PCDH11X: variants seen among roughly 807,000 people sequenced by gnomAD.
The protein encoded by PCDH11X is protocadherin 11 X-linked, also known as protocadherin-11 X-linked.
A neutral mutation model predicts 53.3 loss-of-function variants in PCDH11X; 18 were observed. That is an observed-to-expected ratio of 0.34 (90% CI 0.23 to 0.50). The LOEUF is 0.50. Among genes scored for constraint, PCDH11X ranks in the 20% least tolerant of loss-of-function variants. The pLI is 0.98. For missense variants in PCDH11X, 570 were observed against 1,032.4 expected, an observed-to-expected ratio of 0.55 and a Z score of 6.14; for synonymous variants, 279 against 393.3, an observed-to-expected ratio of 0.71 and a Z score of 3.44.
rs751819574 is a variant in PCDH11X, at chrX:92,181,087, T to C, written c.3034-20288T>C. ...AAAACTTTGGAACTTTCTAGAGACT[T>C]GTTGAATGGCGTTGACAAAAATGCT... is the stretch of plus-strand genomic sequence containing the variant. On this transcript the variant is annotated intron_variant, in intron 6 of 10. Coordinates refer to ENST00000682573, the MANE Select transcript of PCDH11X (RefSeq NM_032968.5). Among the ~76,000 whole-genome samples, 133 of 111,202 alleles carry C rather than the reference T, an allele frequency of 1.2e-3. 1 individual carries two copies. The Middle Eastern group carries it at 0.019, about 16-fold the overall frequency.
At chrX:91,828,353 C>A (rs1369168178) in intron 4 of PCDH11X, among the ~76,000 whole-genome samples, 2 of 110,610 alleles carry the variant, frequency 1.8e-5, no homozygotes, top group African/African-American at 6.6e-5. Context: ...ATCTCCTGAC[C>A]TCGTGATCCG....
intron 9 of PCDH11X, among the ~76,000 whole-genome samples, chrX:92,439,999 A>C (rs1200593434): frequency 1.1e-5 from 1 of 88,179 alleles, no homozygotes; most frequent in East Asian, 4.0e-4. Context: ...TTTTTAAAAA[A>C]ACAATTTTAT....
intron 6 of PCDH11X, among the ~76,000 whole-genome samples, chrX:91,924,919 G>A (rs1941890088): frequency 9.1e-6 from 1 of 110,183 alleles, no homozygotes. Context: ...AAATATATTA[G>A]TATCCAATTT....
At chrX:92,254,024 G>T (rs1048497813) in intron 7 of PCDH11X, among the ~76,000 whole-genome samples, 46 of 111,949 alleles carry the variant, frequency 4.1e-4, no homozygotes, top group African/African-American at 1.2e-3. Flanking sequence ...AGATCTTAGA[G>T]AAAAGGCTTT....
At chrX:91,994,327 C>T (rs2062374994) in intron 6 of PCDH11X, among the ~76,000 whole-genome samples, 1 of 109,593 alleles carries the variant, frequency 9.1e-6, no homozygotes, top group Non-Finnish European at 1.9e-5. Flanking sequence ...CCTCCCAGCC[C>T]TTGGTAATGA....
At chrX:92,025,187 G>A (rs1202706575) in intron 6 of PCDH11X, among the ~76,000 whole-genome samples, 1 of 109,597 alleles carries the variant, frequency 9.1e-6, no homozygotes, top group Non-Finnish European at 1.9e-5. Context: ...GAGTGAACAG[G>A]CAACCCATTG....
rs1409497330 is a variant in PCDH11X at position 91,891,929 on chromosome X, GT to G, written c.3033+12659del. Among the ~76,000 whole-genome samples the G allele has an allele frequency of 1.2e-3, 108 of 90,209 alleles. 2 individuals are homozygous for G. The highest frequency in any genetic ancestry group is 2.9e-3 in the East Asian group (8 of 2,731). The allele number at this position is 90,209 out of a possible 115,157, so 78.3% of individuals were successfully genotyped here. ...AAATTTGTGAGTATATAATATCAGG[GT>G]TTAAAAAAAAAAAGAAAAAGAAAAA... On this transcript the variant is annotated intron_variant, in intron 6 of 10. Transcript: ENST00000682573.
chrX:92,420,870 A>C (rs1021273733), intron 9 of PCDH11X, among the ~76,000 whole-genome samples: 1 of 110,685 alleles, frequency 9.0e-6, no homozygotes, highest in African/African-American at 3.3e-5. Context: ...TAATTTCTTC[A>C]CATTTTTTTT....
intron 8 of PCDH11X, among the ~76,000 whole-genome samples, chrX:92,319,637 G>A (rs2148491372): frequency 9.1e-6 from 1 of 110,440 alleles, no homozygotes; most frequent in East Asian, 2.9e-4. Context: ...GGGATTACAG[G>A]TGTGAGCCAC....
chrX:91,903,359 T>C (rs1459381895), intron 6 of PCDH11X, among the ~76,000 whole-genome samples: 2 of 111,417 alleles, frequency 1.8e-5, no homozygotes, highest in Non-Finnish European at 3.8e-5. Context: ...AAATCCTTCA[T>C]TGGATCCTCA....
chrX:91,975,102 A>G (rs2062028679), intron 6 of PCDH11X, among the ~76,000 whole-genome samples: 1 of 110,686 alleles, frequency 9.0e-6, no homozygotes. Context: ...AGGATAGTAC[A>G]TATGGGGTAA....
Position 91,885,701 on chromosome X carries a change from G to A in PCDH11X, c.3033+6428G>A, listed in dbSNP as rs755930578. On this transcript the variant is annotated intron_variant, in intron 6 of 10. Transcript: ENST00000682573. ...GAGTAAAGGTCCTAATCACTCCTTT[G>A]TATATATGAAGATGAAAATTCCTTG... Among the ~76,000 whole-genome samples, 12 of 110,971 alleles carry A rather than the reference G, an allele frequency of 1.1e-4. No individual in the cohort carries two copies. In the South Asian group the frequency reaches 1.1e-3, roughly 11 times the overall value.
At chrX:92,295,974 T>C (rs2068599715) in intron 8 of PCDH11X, among the ~76,000 whole-genome samples, 1 of 109,378 alleles carries the variant, frequency 9.1e-6, no homozygotes, top group South Asian at 4.0e-4. Flanking sequence ...TCTAAGCTAC[T>C]TGGGAGGCTG....
chrX:92,474,081 G>T lies in PCDH11X; in HGVS notation c.3367+5759G>T, dbSNP rs1323552354. Among the ~76,000 whole-genome samples, 4 of 110,859 alleles carry T rather than the reference G, an allele frequency of 3.6e-5. No individual in the cohort carries two copies. The East Asian group carries it at 1.1e-3, about 31-fold the overall frequency. ...AGTCTCCACCTATTACTGTATTGGGGCCTATCTCTATCTGTGGCTCAATAA... is the reference window on the plus strand; with the variant it reads ...AGTCTCCACCTATTACTGTATTGGGTCCTATCTCTATCTGTGGCTCAATAA... On this transcript the variant is annotated intron_variant, in intron 10 of 10. Coordinates refer to ENST00000682573, the MANE Select transcript of PCDH11X (RefSeq NM_032968.5).
At chrX:92,084,472 G>T (rs1378627555) in intron 6 of PCDH11X, among the ~76,000 whole-genome samples, 1 of 107,128 alleles carries the variant, frequency 9.3e-6, no homozygotes, top group African/African-American at 3.4e-5. Flanking sequence ...GCTTGAACCC[G>T]GGAAGCAGAG....
intron 6 of PCDH11X, among the ~76,000 whole-genome samples, chrX:91,884,816 A>G (rs1213583065): frequency 9.2e-6 from 1 of 109,226 alleles, no homozygotes; most frequent in African/African-American, 3.3e-5. Context: ...TTTTAATTCA[A>G]ATGTTAATTA....
At chrX:92,315,183 G>T (rs1458555654) in intron 8 of PCDH11X, among the ~76,000 whole-genome samples, 1 of 111,707 alleles carries the variant, frequency 9.0e-6, no homozygotes, top group African/African-American at 3.3e-5. Flanking sequence ...GATGCTCATA[G>T]ACGCACTGTA....
intron 8 of PCDH11X, among the ~76,000 whole-genome samples, chrX:92,320,771 A>G (rs2148492572): frequency 9.0e-6 from 1 of 111,663 alleles, no homozygotes; most frequent in South Asian, 3.8e-4. Flanking sequence ...TGCCTCCTGC[A>G]AAGACCAGAG....
chrX:91,988,267 C>G (rs1283011480), intron 6 of PCDH11X, among the ~76,000 whole-genome samples: 1 of 109,426 alleles, frequency 9.1e-6, no homozygotes, highest in African/African-American at 3.3e-5. Flanking sequence ...CTTCTATGTT[C>G]TCTTCCTCTT....
Sources: allele counts gnomAD v4.1 joint callset (sites outside exome capture counted in the v4.1 genomes callset), GRCh38; gene constraint gnomAD v4.1.1; transcripts MANE v1.5; gene names NCBI Gene and HGNC (gene_info 2026-07-23, HGNC 2026-07-21).